Variants in BRD10 observed in about 807,000 individuals in gnomAD.
BRD10 encodes uncharacterized bromodomain-containing protein 10.
the BRD10 span, among the ~76,000 whole-genome samples, chr9:5,973,347 A>T: frequency 6.6e-6 from 1 of 152,158 alleles, no homozygotes; most frequent in Admixed American, 6.5e-5. Flanking sequence ...CACGCCTGCA[A>T]TCTCAGCTAT....
the BRD10 span, among the ~76,000 whole-genome samples, chr9:5,931,974 C>T: frequency 1.3e-5 from 2 of 152,162 alleles, no homozygotes; most frequent in Non-Finnish European, 2.9e-5. Flanking sequence ...GTATCATCTG[C>T]TTTGGTCAAA....
At chr9:5,954,978 C>T in the BRD10 span, among the ~76,000 whole-genome samples, 1 of 151,858 alleles carries the variant, frequency 6.6e-6, no homozygotes, top group Non-Finnish European at 1.5e-5. Context: ...ATCTCAGCTA[C>T]CTGGGAGCCT....
the BRD10 span, chr9:5,890,978 C>G: frequency 6.6e-6 from 1 of 152,266 alleles, no homozygotes; most frequent in South Asian, 2.1e-4. Context: ...GTCCTCTTCT[C>G]CCAGAATAGG....
chr9:5,970,671 T>A, the BRD10 span, among the ~76,000 whole-genome samples: 1 of 152,176 alleles, frequency 6.6e-6, no homozygotes, highest in Non-Finnish European at 1.5e-5. Flanking sequence ...GATGTTTTTG[T>A]AAATTATGTA....
chr9:5,939,785 CTG>C, the BRD10 span, among the ~76,000 whole-genome samples: 2 of 152,184 alleles, frequency 1.3e-5, no homozygotes, highest in Non-Finnish European at 2.9e-5. Context: ...GGAGAAATGT[CTG>C]TGCACTGTAG....
chr9:5,916,495 ATATATG>A, the BRD10 span, among the ~76,000 whole-genome samples: 1 of 149,520 alleles, frequency 6.7e-6, no homozygotes, highest in Admixed American at 6.8e-5. Context: ...ATGTGTGTAT[ATATATG>A]TATGTGTATA....
the BRD10 span, among the ~76,000 whole-genome samples, chr9:5,935,910 T>C: frequency 6.6e-6 from 1 of 152,240 alleles, no homozygotes; most frequent in Non-Finnish European, 1.5e-5. Flanking sequence ...CTGATTAAAA[T>C]GTTCCTAAAG....
the BRD10 span, among the ~76,000 whole-genome samples, chr9:5,973,710 G>C: frequency 6.6e-6 from 1 of 151,856 alleles, no homozygotes; most frequent in African/African-American, 2.4e-5. Flanking sequence ...GCAACATGGC[G>C]AGATTTCATC....
At chr9:5,976,368 A>G in the BRD10 span, among the ~76,000 whole-genome samples, 7 of 152,242 alleles carry the variant, frequency 4.6e-5, no homozygotes, top group South Asian at 2.1e-4. Context: ...GTTATTAACA[A>G]CAGGCAAAGT....
the BRD10 span, among the ~76,000 whole-genome samples, chr9:5,904,578 T>A: frequency 6.6e-6 from 1 of 151,962 alleles, no homozygotes; most frequent in Admixed American, 6.5e-5. Context: ...GTTCAAGTGA[T>A]TCTCCTGTCT....
chr9:5,911,456 G>T, the BRD10 span, among the ~76,000 whole-genome samples: 1 of 148,106 alleles, frequency 6.8e-6, no homozygotes, highest in African/African-American at 2.5e-5. Flanking sequence ...GTTACTATAG[G>T]CTTTGTAGTG....
At chr9:5,905,990 AC>A in the BRD10 span, among the ~76,000 whole-genome samples, 2 of 152,132 alleles carry the variant, frequency 1.3e-5, no homozygotes, top group Non-Finnish European at 1.5e-5. Flanking sequence ...ATATAAGCAT[AC>A]CTAATTAAAT....
At chr9:5,973,592 A>G in the BRD10 span, among the ~76,000 whole-genome samples, 1 of 152,218 alleles carries the variant, frequency 6.6e-6, no homozygotes, top group Non-Finnish European at 1.5e-5. Context: ...TATCTAACAT[A>G]CAACAAATTG....
chr9:5,974,468 A>C, the BRD10 span, among the ~76,000 whole-genome samples: 1 of 152,306 alleles, frequency 6.6e-6, no homozygotes, highest in South Asian at 2.1e-4. Flanking sequence ...AAAGACAGCG[A>C]TCCATGACAC....
the BRD10 span, among the ~76,000 whole-genome samples, chr9:5,976,682 G>T: frequency 6.6e-6 from 1 of 150,806 alleles, no homozygotes; most frequent in East Asian, 1.9e-4. Context: ...GTGACACTTT[G>T]TTTTTTTCCA....
chr9:5,917,789 G>A, the BRD10 span, among the ~76,000 whole-genome samples: 2 of 152,200 alleles, frequency 1.3e-5, no homozygotes, highest in African/African-American at 4.8e-5. Flanking sequence ...GGAGGCAGAG[G>A]TTGCAGTGAG....
At chr9:5,954,099 T>A in the BRD10 span, 1 of 1,517,810 alleles carries the variant, frequency 6.6e-7, no homozygotes, top group Non-Finnish European at 9.0e-7. Context: ...TTTTTTCCTT[T>A]CAAGATTAAA....
chr9:5,929,060 C>T, the BRD10 span: 9 of 1,571,336 alleles, frequency 5.7e-6, no homozygotes, highest in African/African-American at 4.1e-5. Context: ...CTTTGGAAAG[C>T]CTTCATTAAC....
At chr9:5,912,245 T>C in the BRD10 span, among the ~76,000 whole-genome samples, 1 of 152,224 alleles carries the variant, frequency 6.6e-6, no homozygotes, top group African/African-American at 2.4e-5. Context: ...CTTTACTGAA[T>C]TTATCAGTTT....
Sources: gnomAD v4.1 joint callset for allele counts (sites outside exome capture counted in the v4.1 genomes callset) on GRCh38, gnomAD v4.1.1 for gene constraint, MANE v1.5 for transcripts, NCBI Gene and HGNC (gene_info 2026-07-23, HGNC 2026-07-21) for gene names.